The following ZPBP variants were observed in gnomAD, a reference collection of about 807,000 sequenced individuals.
ZPBP encodes the protein zona pellucida-binding protein 1.
ZPBP carries 26 observed loss-of-function variants against 44.8 expected under a neutral mutation model. The observed-to-expected ratio is 0.58, with a 90% CI of 0.43 to 0.81. The LOEUF (loss-of-function observed/expected upper bound fraction) is 0.81. ZPBP is among the 30% of genes least tolerant of loss of function. The pLI is 0.00. For missense variants in ZPBP, 409 were observed against 434.0 expected, an observed-to-expected ratio of 0.94 and a Z score of 0.51; for synonymous variants, 174 against 153.2, an observed-to-expected ratio of 1.14 and a Z score of -1.00.
At chr7:50,059,398 G>T (rs1370490068) in intron 3 of ZPBP, among the ~76,000 whole-genome samples, 2 of 152,164 alleles carry the variant, frequency 1.3e-5, no homozygotes, top group African/African-American at 4.8e-5. Flanking sequence ...AGAGCATTAT[G>T]CCTTGAGAAC....
Position 49,877,481 on chromosome 7 carries a change from A to AAAAATATAC in ZPBP, n.509+23636_509+23637insGTATATTTT. On this transcript the variant is annotated intron_variant and non_coding_transcript_variant, in intron 2 of 2. Transcript: ENST00000465922. ...CTGTCTCAAAAAAAAAAAAAAAAAAAATATATATATATATATATATATATA... is the reference window on the plus strand; with the variant it reads ...CTGTCTCAAAAAAAAAAAAAAAAAAAAAAATATACATATATATATATATATATATATATA... 1.3e-3 allele frequency among the ~76,000 whole-genome samples: 17 copies of AAAAATATAC among 12,724 alleles called. 6 individuals are homozygous for AAAAATATAC. Among genetic ancestry groups the AAAAATATAC allele is most frequent in the Non-Finnish European group, 2.0e-3 (14 of 6,944 alleles). 8.3% of individuals were successfully genotyped at this position (12,724 alleles called of 152,430 possible). A position where few individuals can be genotyped will look rare whatever the true frequency, so the allele number is the denominator to read the frequency against.
intron 3 of ZPBP, among the ~76,000 whole-genome samples, chr7:50,060,197 T>C (rs1234891622): frequency 1.3e-5 from 2 of 152,128 alleles, no homozygotes; most frequent in South Asian, 2.1e-4. Context: ...AGGGAGAGAT[T>C]CTTGGAGTGT....
downstream of ZPBP, among the ~76,000 whole-genome samples, chr7:49,846,515 A>G (rs892728369): frequency 6.6e-6 from 1 of 152,068 alleles, no homozygotes; most frequent in Non-Finnish European, 1.5e-5. Flanking sequence ...CAAGCTTCCA[A>G]ATTTGGCCAT....
At chr7:49,965,149 C>T (rs1315575130) in intron 7 of ZPBP, among the ~76,000 whole-genome samples, 6 of 152,036 alleles carry the variant, frequency 3.9e-5, no homozygotes, top group Admixed American at 3.9e-4. Flanking sequence ...TAAACTGCTT[C>T]CAAACAACTT....
chr7:49,989,346 G>C (rs904276007), intron 6 of ZPBP, among the ~76,000 whole-genome samples: 3 of 152,310 alleles, frequency 2.0e-5, no homozygotes, highest in Non-Finnish European at 4.4e-5. Context: ...CAAGAAGAGA[G>C]GAGTTTGCCC....
chr7:50,022,154 T>C (rs1235019343), intron 5 of ZPBP, among the ~76,000 whole-genome samples: 1 of 152,092 alleles, frequency 6.6e-6, no homozygotes. Flanking sequence ...TGATGAAGAA[T>C]AGATAGTAAC....
chr7:50,023,658 C>A (rs192575777), intron 5 of ZPBP, among the ~76,000 whole-genome samples: 2 of 151,982 alleles, frequency 1.3e-5, no homozygotes, highest in African/African-American at 2.4e-5. Flanking sequence ...AACAGAGCAA[C>A]CATCAAAACC....
Position 49,937,468 on chromosome 7 carries a change from T to A in ZPBP, c.*60A>T. ...AATTTTGGCATAATAATTTATTATG[T>A]TAATATTTCAAATATATACTTTGCA... On this transcript the variant is annotated 3_prime_UTR_variant, in exon 8 of 8. Coordinates refer to ENST00000046087, the MANE Select transcript of ZPBP (RefSeq NM_007009.3). The A allele has an allele frequency of 8.0e-7, 1 of 1,248,458 alleles. No individual in the cohort carries two copies. Among genetic ancestry groups the A allele is most frequent in the Non-Finnish European group, 1.2e-6 (1 of 852,760 alleles). 77.3% of individuals were successfully genotyped at this position (1,248,458 alleles called of 1,614,324 possible).
chr7:49,869,193 C>T (rs1392598183), intron 2 of ZPBP, among the ~76,000 whole-genome samples: 2 of 152,008 alleles, frequency 1.3e-5, no homozygotes, highest in Non-Finnish European at 2.9e-5. Flanking sequence ...ACATGGTATC[C>T]TACAGCTTGG....
chr7:49,847,426 G>A (rs950723514), downstream of ZPBP, among the ~76,000 whole-genome samples: 2 of 152,048 alleles, frequency 1.3e-5, no homozygotes, highest in African/African-American at 2.4e-5. Flanking sequence ...TGAGCACAGA[G>A]CCTTGCAGGG....
intron 2 of ZPBP, among the ~76,000 whole-genome samples, chr7:49,890,447 T>C (rs1240065597): frequency 1.3e-5 from 2 of 152,142 alleles, no homozygotes; most frequent in East Asian, 3.8e-4. Flanking sequence ...GCTGTTTGAC[T>C]TTTTACAGAC....
At chr7:49,847,500 A>C (rs1224967823), downstream of ZPBP, among the ~76,000 whole-genome samples, 1 of 152,086 alleles carries the variant, frequency 6.6e-6, no homozygotes, top group Non-Finnish European at 1.5e-5. Context: ...GGGTTTGAAA[A>C]TGTGGGTTTT....
chr7:49,979,554 T>G (rs1403268817), intron 7 of ZPBP, among the ~76,000 whole-genome samples: 1 of 151,862 alleles, frequency 6.6e-6, no homozygotes, highest in Admixed American at 6.6e-5. Flanking sequence ...AATTGTGTTG[T>G]TACCCAAAGT....
At chr7:49,899,426 A>C (rs569547623) in intron 2 of ZPBP, among the ~76,000 whole-genome samples, 2 of 152,054 alleles carry the variant, frequency 1.3e-5, no homozygotes, top group African/African-American at 4.8e-5. Context: ...CATGGAAAGC[A>C]AAACTGTGGA....
At chr7:50,009,457 C>T (rs1371677901) in intron 6 of ZPBP, among the ~76,000 whole-genome samples, 1 of 151,886 alleles carries the variant, frequency 6.6e-6, no homozygotes, top group East Asian at 1.9e-4. Flanking sequence ...ACCCCACTTA[C>T]CCCAGCAGGC....
At chr7:49,955,501 G>C (rs911425501) in intron 7 of ZPBP, among the ~76,000 whole-genome samples, 3 of 152,066 alleles carry the variant, frequency 2.0e-5, no homozygotes, top group African/African-American at 7.2e-5. Flanking sequence ...AGATTGCGGT[G>C]AGCTGAGATC....
At chr7:50,049,052 T>A (rs990837151) in intron 4 of ZPBP, among the ~76,000 whole-genome samples, 1 of 151,942 alleles carries the variant, frequency 6.6e-6, no homozygotes, top group Non-Finnish European at 1.5e-5. Flanking sequence ...AACAACTCTA[T>A]GCCAACAAAT....
intron 6 of ZPBP, among the ~76,000 whole-genome samples, chr7:50,012,027 T>C (rs1370010295): frequency 3.7e-5 from 5 of 134,308 alleles, no homozygotes; most frequent in East Asian, 2.1e-4. Context: ...TGAGACCCCG[T>C]CTCAAAAAAG....
chr7:49,876,041 C>CTG (rs1380349093), intron 2 of ZPBP, among the ~76,000 whole-genome samples: 1 of 152,154 alleles, frequency 6.6e-6, no homozygotes, highest in Non-Finnish European at 1.5e-5. Flanking sequence ...ATCACTTGAC[C>CTG]TGTGTATCAA....
Sources: gnomAD v4.1 joint callset for allele counts (sites outside exome capture counted in the v4.1 genomes callset) on GRCh38, gnomAD v4.1.1 for gene constraint, MANE v1.5 for transcripts, NCBI Gene and HGNC (gene_info 2026-07-23, HGNC 2026-07-21) for gene names.